HNF4A: variants seen among roughly 807,000 people sequenced by gnomAD.
HNF4A encodes the protein hepatocyte nuclear factor 4-alpha.
Under a neutral mutation model 52.4 loss-of-function variants are expected in HNF4A, and 15 were observed. That is an observed-to-expected ratio of 0.29 (90% confidence interval 0.19 to 0.44). The LOEUF (loss-of-function observed/expected upper bound fraction) is 0.44. Among genes scored for constraint, HNF4A ranks in the 20% least tolerant of loss-of-function variants. The probability of loss-of-function intolerance (pLI) is 1.00; values close to 1 mark genes in which losing one functional copy is unlikely to be tolerated. For synonymous variants in HNF4A, 280 were observed against 264.4 expected (o/e 1.06, Z -0.57); for missense variants, 479 against 647.2 (o/e 0.74, Z 2.82).
intron 9 of HNF4A, 80 bp from the exon 10 acceptor site, chr20:44,429,443 G>T: frequency 6.4e-7 from 1 of 1,551,996 alleles, no homozygotes; most frequent in Non-Finnish European, 8.9e-7. Flanking sequence ...TGGGAGGGGA[G>T]AACTTTCCCG....
chr20:44,362,791 C>T (rs1600628402), intron 1 of HNF4A, among the ~76,000 whole-genome samples: 1 of 152,134 alleles, frequency 6.6e-6, no homozygotes, highest in Non-Finnish European at 1.5e-5. Flanking sequence ...AAGGAGTTTA[C>T]CACCTTCTAC....
intron 7 of HNF4A, among the ~76,000 whole-genome samples, chr20:44,422,626 G>A (rs1342880352): frequency 6.7e-6 from 1 of 148,774 alleles, no homozygotes; most frequent in African/African-American, 2.5e-5. Flanking sequence ...CATTCATCCA[G>A]CCATCTAACA....
intron 7 of HNF4A, among the ~76,000 whole-genome samples, chr20:44,421,391 T>C (rs1017791979): frequency 6.6e-6 from 1 of 152,188 alleles, no homozygotes; most frequent in Non-Finnish European, 1.5e-5. Flanking sequence ...CCTGCTTACA[T>C]GTTAGAGGGG....
chr20:44,425,871 GC>G (rs2063809415), intron 8 of HNF4A, among the ~76,000 whole-genome samples: 1 of 152,026 alleles, frequency 6.6e-6, no homozygotes, highest in South Asian at 2.1e-4. Context: ...TGTTGCCCAG[GC>G]TGGTCTTGAA....
chr20:44,408,900 C>T (rs1374499954), intron 3 of HNF4A, among the ~76,000 whole-genome samples: 1 of 152,032 alleles, frequency 6.6e-6, no homozygotes, highest in Non-Finnish European at 1.5e-5. Flanking sequence ...ACCCCTCACC[C>T]CCATCACCCC....
chr20:44,368,160 A>ATATTTT (rs1200638153), intron 1 of HNF4A, among the ~76,000 whole-genome samples: 1 of 27,780 alleles, frequency 3.6e-5, no homozygotes, highest in African/African-American at 1.5e-4. Flanking sequence ...ATATATATAT[A>ATATTTT]TTTTTTTTTT....
rs779271027 is a variant in HNF4A at position 44,413,723 on chromosome 20, A to C, written c.415A>C (p.Thr139Pro). The change falls in exon 4 of 10, where the codon ACT (threonine) becomes CCT (proline). Residue 139 changes from threonine to proline, a missense_variant. Coordinates refer to ENST00000316099, the MANE Select transcript of HNF4A (RefSeq NM_000457.6). ...CCAGAATGAGCGGGACCGGATCAGC[A>C]CTCGAAGGTCAAGCTATGAGGACAG... 2 of 1,613,354 alleles carry C rather than the reference A, an allele frequency of 1.2e-6. No homozygotes were observed. The highest frequency in any genetic ancestry group is 1.7e-6 in the Non-Finnish European group (2 of 1,179,862).
At chr20:44,368,134 G>GTATACATATATATATA (rs1426264904) in intron 1 of HNF4A, among the ~76,000 whole-genome samples, 2 of 56,392 alleles carry the variant, frequency 3.5e-5, no homozygotes, top group Admixed American at 2.7e-4. Flanking sequence ...GTGTGTGTGT[G>GTATACATATATATATA]TATATACATA....
At chr20:44,424,295 C>T in intron 8 of HNF4A, 41 bp downstream of exon 8, 1 of 1,609,228 alleles carries the variant, frequency 6.2e-7, no homozygotes, top group South Asian at 1.1e-5. Context: ...GGAGTGGGGA[C>T]TCCCCAGGAG....
In HNF4A at chr20:44,389,018, C is replaced by A. The variant is rs536836013; in HGVS notation, c.50-17040C>A. On this transcript the variant is annotated intron_variant, in intron 1 of 9. Transcript: ENST00000316673. Reference sequence around the variant, plus strand: ...AAACTGTGGAGTCTATCAAGTGAGACTTAGCAGCCCCACTCCCTCAGGTGC... The same window carrying A: ...AAACTGTGGAGTCTATCAAGTGAGAATTAGCAGCCCCACTCCCTCAGGTGC... Among the ~76,000 whole-genome samples, 227 of 152,334 alleles carry A rather than the reference C, an allele frequency of 1.5e-3. 1 individual carries two copies. In the South Asian group the frequency reaches 0.016, roughly 11 times the overall value.
At chr20:44,416,852 T>C (rs916795441) in intron 5 of HNF4A, among the ~76,000 whole-genome samples, 5 of 152,164 alleles carry the variant, frequency 3.3e-5, no homozygotes, top group Non-Finnish European at 7.4e-5. Context: ...CCATCTAACG[T>C]AGCCATTCTT....
chr20:44,415,358 C>T (rs2063648636), intron 5 of HNF4A, among the ~76,000 whole-genome samples: 1 of 152,162 alleles, frequency 6.6e-6, no homozygotes, highest in Non-Finnish European at 1.5e-5. Flanking sequence ...CCCACCAAAA[C>T]AATTGAACTG....
chr20:44,376,126 A>G (rs7264928), intron 1 of HNF4A, among the ~76,000 whole-genome samples: 5,238 of 152,194 alleles, frequency 0.034, 288 homozygotes, highest in African/African-American at 0.12. Context: ...TTAGCCGGGC[A>G]TGGTGGCATG....
chr20:44,429,727 G>A lies in HNF4A; in HGVS notation c.*62G>A. On this transcript the variant is annotated 3_prime_UTR_variant, in exon 10 of 10. Coordinates refer to ENST00000316099, the MANE Select transcript of HNF4A (RefSeq NM_000457.6). ...CCAGCCCCCTAAGAGAGCACCTGGTGATCACGTGGTCACGGCAAAGGAAGA... is the reference window on the plus strand; with the variant it reads ...CCAGCCCCCTAAGAGAGCACCTGGTAATCACGTGGTCACGGCAAAGGAAGA... 1 of 1,541,416 alleles carries A rather than the reference G, an allele frequency of 6.5e-7. No homozygotes were observed. The highest frequency in any genetic ancestry group is 1.7e-5 in the Admixed American group (1 of 59,120).
In HNF4A at chr20:44,382,595, A is replaced by G. The variant is rs1318466542; in HGVS notation, c.50-23463A>G. On this transcript the variant is annotated intron_variant, in intron 1 of 9. Transcript: ENST00000316673. ...CATCCTAGGAAAATTTTAAGTATTCATATTAAAATGAAAACTAAACACAAT... is the reference window on the plus strand; with the variant it reads ...CATCCTAGGAAAATTTTAAGTATTCGTATTAAAATGAAAACTAAACACAAT... Among the ~76,000 whole-genome samples the G allele has an allele frequency of 1.4e-4, 22 of 152,210 alleles. 1 individual carries two copies. The highest frequency in any genetic ancestry group is 1.4e-3 in the Admixed American group (22 of 15,276).
Position 44,431,118 on chromosome 20 carries a change from C to A in HNF4A, c.*1453C>A. On this transcript the variant is annotated 3_prime_UTR_variant, in exon 10 of 10. Coordinates refer to ENST00000316099, the MANE Select transcript of HNF4A (RefSeq NM_000457.6). ...GATTTTTTTTCTGAAACTCACACAACTAGGAAGTGGCTGAGTCAGGACTTG... is the reference window on the plus strand; with the variant it reads ...GATTTTTTTTCTGAAACTCACACAAATAGGAAGTGGCTGAGTCAGGACTTG... The A allele has an allele frequency of 6.8e-6, 1 of 147,428 alleles. No individual in the cohort carries two copies. The highest frequency in any genetic ancestry group is 1.5e-5 in the Non-Finnish European group (1 of 66,900). The allele number at this position is 147,428 out of a possible 1,614,324, so 9.1% of individuals were successfully genotyped here. A position where few individuals can be genotyped will look rare whatever the true frequency, so the allele number is the denominator to read the frequency against.
intron 3 of HNF4A, among the ~76,000 whole-genome samples, chr20:44,411,462 G>A (rs990487624): frequency 2.0e-5 from 3 of 146,636 alleles, no homozygotes; most frequent in Non-Finnish European, 3.0e-5. Context: ...CTTTCATTCC[G>A]CCCGCCGGCC....
intron 1 of HNF4A, among the ~76,000 whole-genome samples, chr20:44,386,611 G>A (rs2063227289): frequency 6.6e-6 from 1 of 152,196 alleles, no homozygotes; most frequent in Non-Finnish European, 1.5e-5. Context: ...ACCCCCAAGG[G>A]ACATTTATAA....
At chr20:44,371,473 T>C (rs1293899488) in intron 1 of HNF4A, among the ~76,000 whole-genome samples, 1 of 152,082 alleles carries the variant, frequency 6.6e-6, no homozygotes, top group Non-Finnish European at 1.5e-5. Flanking sequence ...GAGACGGGGT[T>C]TCGCCATGTT....
Sources: gnomAD v4.1 joint callset for allele counts (sites outside exome capture counted in the v4.1 genomes callset) on GRCh38, gnomAD v4.1.1 for gene constraint, MANE v1.5 for transcripts, NCBI Gene and HGNC (gene_info 2026-07-23, HGNC 2026-07-21) for gene names.